DMD: variants seen among roughly 807,000 people sequenced by gnomAD.
The protein encoded by DMD is mutant dystrophin.
DMD carries 63 observed loss-of-function variants against 330.1 expected under a neutral mutation model. The ratio of observed to expected loss-of-function variants is 0.19; its 90% confidence interval spans 0.16 to 0.24. The LOEUF is 0.24. Ranked by LOEUF, DMD falls within the 10% of genes least tolerant of loss-of-function variation. DMD has a pLI of 1.00. For missense variants in DMD, 3,344 were observed against 2,684.1 expected (o/e 1.25, Z -5.43); for synonymous variants, 1,223 against 959.8 (o/e 1.27, Z -5.07).
At chrX:31,419,382 C>T (rs2148933098) in intron 60 of DMD, among the ~76,000 whole-genome samples, 1 of 109,881 alleles carries the variant, frequency 9.1e-6, no homozygotes, top group South Asian at 4.0e-4. Flanking sequence ...ATCATAGTTA[C>T]TTAGAATACA....
intron 2 of DMD, among the ~76,000 whole-genome samples, chrX:32,945,628 G>C (rs1166886499): frequency 9.0e-6 from 1 of 111,537 alleles, no homozygotes; most frequent in Non-Finnish European, 1.9e-5. Flanking sequence ...ATTGATCACA[G>C]AGTTGGCTCT....
chrX:31,469,030 C>A (rs941025639), intron 59 of DMD, among the ~76,000 whole-genome samples: 1 of 110,434 alleles, frequency 9.1e-6, no homozygotes, highest in Non-Finnish European at 1.9e-5. Context: ...GGTAAATATT[C>A]ATCGATCCCT....
chrX:32,623,842 C>T (rs1208753041), intron 11 of DMD, among the ~76,000 whole-genome samples: 3 of 111,886 alleles, frequency 2.7e-5, no homozygotes, highest in Non-Finnish European at 3.8e-5. Context: ...TATTTTATTT[C>T]TGAGGATAGT....
intron 44 of DMD, among the ~76,000 whole-genome samples, chrX:32,037,203 A>C (rs2095955625): frequency 8.9e-6 from 1 of 112,369 alleles, no homozygotes; most frequent in Admixed American, 9.4e-5. Flanking sequence ...CTCATAGAAT[A>C]TGGGATCAAT....
chrX:31,207,997 C>G (rs2044262592), intron 65 of DMD, among the ~76,000 whole-genome samples: 1 of 111,257 alleles, frequency 9.0e-6, no homozygotes, highest in African/African-American at 3.3e-5. Context: ...ACCCCGAAAC[C>G]TAAAATTAAA....
chrX:32,730,797 G>C, intron 7 of DMD, among the ~76,000 whole-genome samples: 1 of 111,741 alleles, frequency 8.9e-6, no homozygotes, highest in Non-Finnish European at 1.9e-5. Flanking sequence ...AAAGAGATGG[G>C]AGATACAGAA....
chrX:32,198,940 C>T (rs777205315), intron 44 of DMD, among the ~76,000 whole-genome samples: 1 of 112,379 alleles, frequency 8.9e-6, no homozygotes, highest in Admixed American at 9.4e-5. Context: ...TCTAAGCCAC[C>T]AAAGATAAAA....
At chrX:31,261,373 G>A in intron 62 of DMD, 1 of 207,879 alleles carries the variant, frequency 4.8e-6, no homozygotes, top group Non-Finnish European at 8.9e-6. Flanking sequence ...ACTACAGAAA[G>A]GACACCGACA....
intron 55 of DMD, among the ~76,000 whole-genome samples, chrX:31,600,349 G>A (rs1043734969): frequency 7.2e-5 from 8 of 110,895 alleles, no homozygotes; most frequent in African/African-American, 2.6e-4. Flanking sequence ...AAATTGTAAC[G>A]GCACAGTTAC....
Position 32,773,266 on chromosome X carries a change from ATTAT to A in DMD, c.649+36223_649+36226del, listed in dbSNP as rs201114127. Among the ~76,000 whole-genome samples the A allele has an allele frequency of 5.4e-3, 606 of 111,466 alleles. 5 individuals carry two copies. Among genetic ancestry groups the A allele is most frequent in the Middle Eastern group, 0.019 (4 of 216 alleles). On this transcript the variant is annotated intron_variant, in intron 7 of 78. Transcript: ENST00000357033. ...TATTAGATGAGGTTCATTTTCGTTAATTATTTTAGTTATTATGACTACATAATAG... is the reference window on the plus strand; with the variant it reads ...TATTAGATGAGGTTCATTTTCGTTAATTTAGTTATTATGACTACATAATAG...
intron 2 of DMD, among the ~76,000 whole-genome samples, chrX:32,939,296 T>G: frequency 9.2e-6 from 1 of 108,933 alleles, no homozygotes; most frequent in East Asian, 2.9e-4. Flanking sequence ...GAGATATATA[T>G]ATGCAGGAAG....
intron 2 of DMD, among the ~76,000 whole-genome samples, chrX:33,009,786 GTA>G (rs1348944243): frequency 2.6e-4 from 5 of 19,255 alleles, no homozygotes; most frequent in East Asian, 3.0e-3. Context: ...ACACATATGT[GTA>G]TATGTGTGTA....
chrX:32,231,300 T>C (rs2097168359), intron 43 of DMD, among the ~76,000 whole-genome samples: 1 of 112,417 alleles, frequency 8.9e-6, no homozygotes. Context: ...TAAGGCAATT[T>C]CGTGTTATCT....
chrX:31,202,112 G>A (rs974566020), intron 67 of DMD, among the ~76,000 whole-genome samples: 19 of 111,089 alleles, frequency 1.7e-4, no homozygotes, highest in Non-Finnish European at 1.7e-4. Context: ...CTTGAACCAG[G>A]GAGGCGGAGG....
At chrX:31,522,359 CTCTCTATATA>C (rs1233214689) in intron 55 of DMD, among the ~76,000 whole-genome samples, 1 of 54,024 alleles carries the variant, frequency 1.9e-5, no homozygotes, top group Non-Finnish European at 3.0e-5. Flanking sequence ...CTCTCTCTCT[CTCTCTATATA>C]TATATATATA....
At chrX:32,968,754 G>T (rs1316092904) in intron 2 of DMD, among the ~76,000 whole-genome samples, 1 of 109,130 alleles carries the variant, frequency 9.2e-6, no homozygotes, top group African/African-American at 3.3e-5. Context: ...TACAGGCCAG[G>T]CGCGGTGGCT....
At chrX:32,767,550 T>C (rs1273549365) in intron 7 of DMD, among the ~76,000 whole-genome samples, 1 of 111,575 alleles carries the variant, frequency 9.0e-6, no homozygotes, top group African/African-American at 3.3e-5. Flanking sequence ...CTCTCCTCTA[T>C]TTTAGAGGCA....
intron 41 of DMD, among the ~76,000 whole-genome samples, chrX:32,312,416 T>A (rs773601526): frequency 2.7e-5 from 3 of 111,300 alleles, no homozygotes; most frequent in African/African-American, 9.8e-5. Context: ...TAAATTCATA[T>A]TGGTGCTTAA....
intron 51 of DMD, among the ~76,000 whole-genome samples, chrX:31,754,181 T>C (rs1052275945): frequency 1.8e-5 from 2 of 111,685 alleles, no homozygotes; most frequent in African/African-American, 6.5e-5. Context: ...GCAGTGTTAT[T>C]AGAAAGATTT....
Sources: gnomAD v4.1 joint callset for allele counts (sites outside exome capture counted in the v4.1 genomes callset) on GRCh38, gnomAD v4.1.1 for gene constraint, MANE v1.5 for transcripts, NCBI Gene and HGNC (gene_info 2026-07-23, HGNC 2026-07-21) for gene names.